CACNA1C: variants seen among roughly 807,000 people sequenced by gnomAD.
CACNA1C encodes calcium voltage-gated channel subunit alpha1 C.
In CACNA1C, 30 loss-of-function variants were observed where a neutral mutation model predicts 229.0. The ratio of observed to expected loss-of-function variants is 0.13; its 90% CI spans 0.10 to 0.18. The LOEUF (loss-of-function observed/expected upper bound fraction) is 0.18, where lower values mean the gene tolerates loss of function less well. Among genes scored for constraint, CACNA1C ranks in the 10% least tolerant of loss-of-function variants. The pLI, the probability that CACNA1C is intolerant of heterozygous loss-of-function variation, is 1.00. For synonymous variants in CACNA1C, 1,114 were observed against 1,132.5 expected, an observed-to-expected ratio of 0.98 and a Z score of 0.33; for missense variants, 1,658 against 2,845.0, an observed-to-expected ratio of 0.58 and a Z score of 9.49.
At chr12:2,141,497 G>A (rs989580325) in intron 3 of CACNA1C, among the ~76,000 whole-genome samples, 6 of 151,462 alleles carry the variant, frequency 4.0e-5, no homozygotes, top group African/African-American at 1.4e-4. Context: ...CTCTTGTGAG[G>A]TGTTTTCCCG....
At chr12:2,270,484 G>A (rs1175409088) in intron 3 of CACNA1C, among the ~76,000 whole-genome samples, 1 of 152,304 alleles carries the variant, frequency 6.6e-6, no homozygotes, top group Non-Finnish European at 1.5e-5. Flanking sequence ...TTTTGAATTG[G>A]TCAAGGCAAC....
At chr12:2,625,254 T>C (rs2085695587) in intron 29 of CACNA1C, among the ~76,000 whole-genome samples, 2 of 152,224 alleles carry the variant, frequency 1.3e-5, no homozygotes, top group Non-Finnish European at 2.9e-5. Context: ...AAGGCTAGTA[T>C]TAGCTATTAC....
At chr12:2,252,037 T>C (rs1484288700) in intron 3 of CACNA1C, among the ~76,000 whole-genome samples, 3 of 152,254 alleles carry the variant, frequency 2.0e-5, no homozygotes, top group Non-Finnish European at 4.4e-5. Flanking sequence ...ATGGAGTTTG[T>C]TTAATGAGTG....
intron 3 of CACNA1C, among the ~76,000 whole-genome samples, chr12:2,175,313 A>G (rs948994128): frequency 5.3e-5 from 8 of 152,156 alleles, no homozygotes; most frequent in African/African-American, 1.9e-4. Context: ...CTTTTTATCT[A>G]TGATTGTTCC....
intron 3 of CACNA1C, among the ~76,000 whole-genome samples, chr12:2,314,424 C>T (rs1363701093): frequency 2.2e-4 from 34 of 152,210 alleles, no homozygotes; most frequent in Admixed American, 2.2e-3. Context: ...TGAATTCTCA[C>T]CTCGTGCACA....
chr12:2,636,001 A>G (rs1049794991), intron 30 of CACNA1C, among the ~76,000 whole-genome samples: 1 of 152,206 alleles, frequency 6.6e-6, no homozygotes, highest in Non-Finnish European at 1.5e-5. Context: ...CCAGTTTTGC[A>G]GCTGGATGAG....
chr12:2,209,553 A>G (rs1319850635), intron 3 of CACNA1C, among the ~76,000 whole-genome samples: 1 of 152,206 alleles, frequency 6.6e-6, no homozygotes, highest in Non-Finnish European at 1.5e-5. Context: ...ACAGCGCCCT[A>G]TTACCAGTTG....
chr12:2,198,187 A>T (rs2097471164), intron 3 of CACNA1C, among the ~76,000 whole-genome samples: 1 of 152,186 alleles, frequency 6.6e-6, no homozygotes, highest in Non-Finnish European at 1.5e-5. Flanking sequence ...ATCCTCAGGA[A>T]GCAAGGTGCT....
At chr12:2,572,275 C>A (rs2054925830) in intron 13 of CACNA1C, among the ~76,000 whole-genome samples, 1 of 145,224 alleles carries the variant, frequency 6.9e-6, no homozygotes, top group Admixed American at 7.0e-5. Context: ...CCTTCATATG[C>A]AATCGGAAAA....
At chr12:2,433,469 A>G (rs1476223611) in intron 3 of CACNA1C, among the ~76,000 whole-genome samples, 1 of 152,152 alleles carries the variant, frequency 6.6e-6, no homozygotes, top group East Asian at 1.9e-4. Context: ...TCATCTATCC[A>G]CCCATCCATT....
At chr12:2,578,938 G>A (rs576551469) in intron 13 of CACNA1C, among the ~76,000 whole-genome samples, 18 of 152,262 alleles carry the variant, frequency 1.2e-4, no homozygotes, top group African/African-American at 3.9e-4. Flanking sequence ...TGCCTTCCCA[G>A]GAGTGTTCTC....
chr12:2,642,593 T>C (rs1341665628), intron 30 of CACNA1C, among the ~76,000 whole-genome samples: 1 of 152,216 alleles, frequency 6.6e-6, no homozygotes, highest in Non-Finnish European at 1.5e-5. Flanking sequence ...TCATATTTGG[T>C]GCTCCCACCC....
At chr12:2,481,660 G>A (rs2099676150) in intron 5 of CACNA1C, among the ~76,000 whole-genome samples, 1 of 152,180 alleles carries the variant, frequency 6.6e-6, no homozygotes, top group Admixed American at 6.5e-5. Flanking sequence ...GAATTTCTAG[G>A]TTATGTGCTG....
rs2097852592 is a variant in CACNA1C, at chr12:2,697,753, G to A, written c.*6554G>A. The A allele has an allele frequency of 6.6e-6, 1 of 152,398 alleles. No homozygotes were observed. Among genetic ancestry groups the A allele is most frequent in the African/African-American group, 2.4e-5 (1 of 41,396 alleles). 9.4% of individuals were successfully genotyped at this position (152,398 alleles called of 1,614,324 possible). A position where few individuals can be genotyped will look rare whatever the true frequency, so the allele number is the denominator to read the frequency against. On this transcript the variant is annotated 3_prime_UTR_variant, in exon 47 of 47. Transcript: ENST00000399655. ...CCCATTGTCAGAGGCCTCGCCTGAT[G>A]GGCCTTCTCACCCTCGAGAAAGGCC...
At chr12:2,540,844 G>C (rs1315903146) in intron 9 of CACNA1C, among the ~76,000 whole-genome samples, 1 of 152,218 alleles carries the variant, frequency 6.6e-6, no homozygotes. Context: ...CAGTGTCTTA[G>C]TCGGCCAGGG....
At chr12:2,369,596 G>T (rs1320221045) in intron 3 of CACNA1C, among the ~76,000 whole-genome samples, 3 of 151,940 alleles carry the variant, frequency 2.0e-5, no homozygotes, top group Non-Finnish European at 2.9e-5. Context: ...TAGAGTCAGG[G>T]TTTCACCATG....
At chr12:1,970,797 G>C (rs1191959488), upstream of CACNA1C, 2 of 218,822 alleles carry the variant, frequency 9.1e-6, no homozygotes, top group Non-Finnish European at 1.9e-5. Context: ...CATAGGCAGG[G>C]AGCAGAGCAG....
In CACNA1C at chr12:2,479,573, C is replaced by T. The variant is rs578164016; in HGVS notation, c.758-6531C>T. Among the ~76,000 whole-genome samples, 4 of 152,344 alleles carry T rather than the reference C, an allele frequency of 2.6e-5. No homozygotes were observed. The highest frequency in any genetic ancestry group is 9.6e-5 in the African/African-American group (4 of 41,588). On this transcript the variant is annotated intron_variant, in intron 5 of 46. Coordinates refer to ENST00000399655, the MANE Select transcript of CACNA1C (RefSeq NM_000719.7). This position sits in a 1 kb window ranked among gnomAD's most constrained non-coding sequence, Gnocchi z 4.3. ...GCCAGCCTCTCAGTCAGCCATCATT[C>T]AGCTAATCAGACATCTGGATTAAGC...
intron 1 of CACNA1C, among the ~76,000 whole-genome samples, chr12:1,983,246 T>A (rs964405032): frequency 6.6e-6 from 1 of 151,886 alleles, no homozygotes; most frequent in Non-Finnish European, 1.5e-5. Flanking sequence ...TTTTATCTCA[T>A]TGATTTCTCT....
Sources: gnomAD v4.1 joint callset for allele counts (sites outside exome capture counted in the v4.1 genomes callset) on GRCh38, gnomAD v4.1.1 for gene constraint, Gnocchi (gnomAD v3.1) non-coding constraint, MANE v1.5 for transcripts, NCBI Gene and HGNC (gene_info 2026-07-23, HGNC 2026-07-21) for gene names.